Variants in DMD observed in about 807,000 individuals in gnomAD.
DMD encodes dystrophin, also known as mutant dystrophin.
DMD carries 63 observed loss-of-function variants against 330.1 expected under a neutral mutation model. The observed-to-expected ratio is 0.19, with a 90% CI of 0.16 to 0.24. The LOEUF (loss-of-function observed/expected upper bound fraction) is 0.24. DMD is among the 10% of genes least tolerant of loss of function. DMD has a pLI of 1.00. For synonymous variants in DMD, 1,223 were observed against 959.8 expected, an observed-to-expected ratio of 1.27 and a Z score of -5.07; for missense variants, 3,344 against 2,684.1, an observed-to-expected ratio of 1.25 and a Z score of -5.43.
chrX:31,203,401 CAG>C (rs1179222159), intron 67 of DMD, among the ~76,000 whole-genome samples: 1 of 108,483 alleles, frequency 9.2e-6, no homozygotes, highest in Non-Finnish European at 1.9e-5. Flanking sequence ...CTGACTACGA[CAG>C]AGAAAAAGCA....
chrX:32,400,583 C>G (rs141222705), intron 30 of DMD, among the ~76,000 whole-genome samples: 2 of 110,565 alleles, frequency 1.8e-5, no homozygotes, highest in Admixed American at 9.7e-5. Flanking sequence ...TGAAAAAATG[C>G]TCATCATCAC....
At chrX:32,415,387 T>G (rs1329122253) in intron 29 of DMD, among the ~76,000 whole-genome samples, 3 of 111,929 alleles carry the variant, frequency 2.7e-5, no homozygotes, top group African/African-American at 9.8e-5. Context: ...CACAGATTCC[T>G]TGATTATCTC....
intron 48 of DMD, among the ~76,000 whole-genome samples, chrX:31,842,186 T>C (rs767092126): frequency 1.8e-5 from 2 of 111,635 alleles, no homozygotes; most frequent in Non-Finnish European, 3.8e-5. Flanking sequence ...GGGAAGTCAC[T>C]GGATGTGGAG....
intron 55 of DMD, among the ~76,000 whole-genome samples, chrX:31,526,365 T>C (rs1342110922): frequency 2.7e-5 from 3 of 111,779 alleles, no homozygotes; most frequent in African/African-American, 9.8e-5. Context: ...GTAAAAGCAA[T>C]CCCCAACTTA....
chrX:32,775,816 A>C (rs768004763), intron 7 of DMD, among the ~76,000 whole-genome samples: 1 of 112,993 alleles, frequency 8.9e-6, no homozygotes. Context: ...TTACTTATGC[A>C]AATTTCTGCA....
intron 1 of DMD, among the ~76,000 whole-genome samples, chrX:33,087,976 T>G (rs1351527603): frequency 9.0e-6 from 1 of 111,553 alleles, no homozygotes; most frequent in Non-Finnish European, 1.9e-5. Flanking sequence ...TCCCCCAAAC[T>G]GAATGCATCA....
At chrX:31,175,547 A>C (rs2040424209) in intron 71 of DMD, among the ~76,000 whole-genome samples, 2 of 111,054 alleles carry the variant, frequency 1.8e-5, no homozygotes, top group African/African-American at 6.5e-5. Flanking sequence ...GCCAAAAGGG[A>C]GTACTGGTCA....
rs752231421 is a variant in DMD at position 32,521,413 on chromosome X, A to AT, written c.2169-3283dup. ...CCTTCTATTTCTATGACCATTGGTAATTTTTTCTTTGCAGGTCCATCCTCC... is the reference window on the plus strand; with the variant it reads ...CCTTCTATTTCTATGACCATTGGTAATTTTTTTCTTTGCAGGTCCATCCTCC... On this transcript the variant is annotated intron_variant, in intron 17 of 78. Coordinates refer to ENST00000357033, the MANE Select transcript of DMD (RefSeq NM_004006.3). 9.0e-5 allele frequency among the ~76,000 whole-genome samples: 10 copies of AT among 111,442 alleles called. No homozygotes were observed. In the East Asian group the frequency reaches 2.8e-3, roughly 32 times the overall value.
Position 32,258,842 on chromosome X carries a change from T to C in DMD, c.6290+28687A>G, listed in dbSNP as rs1392349554. Among the ~76,000 whole-genome samples the C allele has an allele frequency of 3.6e-5, 4 of 110,961 alleles. No homozygotes were observed. In the East Asian group the frequency reaches 8.6e-4, roughly 24 times the overall value. ...AAAAAAAGATCAGGGTAAAATATAT[T>C]TTGTCATTGTTTTGAACATAGCCAT... On this transcript the variant is annotated intron_variant, in intron 43 of 78. Coordinates refer to ENST00000357033, the MANE Select transcript of DMD (RefSeq NM_004006.3).
intron 1 of DMD, among the ~76,000 whole-genome samples, chrX:33,155,404 C>T (rs1324470486): frequency 9.2e-6 from 1 of 109,284 alleles, no homozygotes; most frequent in Non-Finnish European, 1.9e-5. Flanking sequence ...CAACCTCCGC[C>T]TCCCAGATTC....
At chrX:31,304,623 T>C (rs1179831050) in intron 62 of DMD, among the ~76,000 whole-genome samples, 1 of 107,697 alleles carries the variant, frequency 9.3e-6, no homozygotes, top group African/African-American at 3.3e-5. Context: ...ATATATATAA[T>C]ATAAAATATA....
intron 29 of DMD, 76 bp from the exon 30 acceptor site, chrX:32,411,989 A>T (rs1476083852): frequency 8.4e-7 from 1 of 1,190,728 alleles, no homozygotes; most frequent in South Asian, 1.8e-5. Flanking sequence ...CTGAACAATA[A>T]ATGAAGATTC....
chrX:32,500,799 A>G (rs180801922), intron 19 of DMD, among the ~76,000 whole-genome samples: 11 of 111,826 alleles, frequency 9.8e-5, no homozygotes, highest in Admixed American at 9.5e-4. Flanking sequence ...TCATTAGAAG[A>G]AGAAAATGAA....
chrX:33,075,029 C>T (rs1280426620), intron 1 of DMD, among the ~76,000 whole-genome samples: 1 of 111,910 alleles, frequency 8.9e-6, no homozygotes, highest in Non-Finnish European at 1.9e-5. Flanking sequence ...AATTCTGCTG[C>T]GGTGTAGACA....
intron 51 of DMD, among the ~76,000 whole-genome samples, chrX:31,735,703 T>G (rs1497440): frequency 0.38 from 42,631 of 110,771 alleles, 6,033 homozygotes; most frequent in East Asian, 0.68. Flanking sequence ...ATTCAACACA[T>G]GCAGCTCAAG....
At chrX:33,246,889 C>A (rs192888259) in intron 1 of DMD, among the ~76,000 whole-genome samples, 1,867 of 110,057 alleles carry the variant, frequency 0.017, 36 homozygotes, top group African/African-American at 0.058. Context: ...CTTCACCATG[C>A]TTGTCAGGCT....
At chrX:32,260,288 C>T (rs756902221) in intron 43 of DMD, among the ~76,000 whole-genome samples, 4 of 111,553 alleles carry the variant, frequency 3.6e-5, no homozygotes, top group African/African-American at 1.3e-4. Context: ...GTCCCTGAGT[C>T]ACTGTGAAGG....
intron 47 of DMD, 25 bp from the exon 48 acceptor site, chrX:31,875,398 AG>A: frequency 2.6e-6 from 3 of 1,150,845 alleles, no homozygotes; most frequent in Non-Finnish European, 3.5e-6. Flanking sequence ...CATTTTAAAA[AG>A]GTAAATAATT....
intron 55 of DMD, among the ~76,000 whole-genome samples, chrX:31,569,641 T>TATAC (rs771071830): frequency 2.4e-5 from 2 of 82,842 alleles, no homozygotes; most frequent in East Asian, 7.7e-4. Context: ...CGTATATATA[T>TATAC]GTATATACGT....
Sources: allele counts gnomAD v4.1 joint callset (sites outside exome capture counted in the v4.1 genomes callset), GRCh38; gene constraint gnomAD v4.1.1; transcripts MANE v1.5; gene names NCBI Gene and HGNC (gene_info 2026-07-23, HGNC 2026-07-21).